Variants in TMEM245 observed in about 807,000 individuals in gnomAD.
The protein encoded by TMEM245 is transmembrane protein 245.
A neutral mutation model predicts 101.2 loss-of-function variants in TMEM245; 69 were observed. The ratio of observed to expected loss-of-function variants is 0.68; its 90% CI spans 0.56 to 0.83. The LOEUF is 0.83. TMEM245 is among the 40% of genes least tolerant of loss of function. The pLI is 0.00. For missense variants in TMEM245, 1,075 were observed against 1,092.8 expected (o/e 0.98, Z 0.23); for synonymous variants, 537 against 449.8 (o/e 1.19, Z -2.45).
chr9:109,032,364 C>T lies in TMEM245; in HGVS notation c.2594+943G>A, dbSNP rs373854189. Among the ~76,000 whole-genome samples the T allele has an allele frequency of 1.6e-3, 84 of 51,806 alleles. 1 individual carries two copies. The highest frequency in any genetic ancestry group is 4.5e-3 in the African/African-American group (77 of 17,020). The allele number at this position is 51,806 out of a possible 152,430, so 34.0% of individuals were successfully genotyped here. ...TGCATTTGGTTGTCCTATTTCTTTT[C>T]CTTTTTTTTTTTTTTTTTTTTTTTT... On this transcript the variant is annotated intron_variant, in intron 17 of 17. Transcript: ENST00000374586.
chr9:109,117,341 C>T (rs1294922902), intron 1 of TMEM245, among the ~76,000 whole-genome samples: 1 of 151,766 alleles, frequency 6.6e-6, no homozygotes, highest in Non-Finnish European at 1.5e-5. Flanking sequence ...TGGTCTTGAA[C>T]TCCTAACCTC....
intron 17 of TMEM245, 60 bp downstream of exon 17, chr9:109,033,247 T>C (rs1828017151): frequency 6.9e-7 from 1 of 1,450,240 alleles, no homozygotes; most frequent in Non-Finnish European, 9.2e-7. Context: ...ACTTATCAAA[T>C]ACAGAGACAG....
intron 3 of TMEM245, among the ~76,000 whole-genome samples, chr9:109,093,991 G>A (rs961296252): frequency 1.6e-4 from 24 of 152,148 alleles, no homozygotes; most frequent in African/African-American, 5.6e-4. Context: ...ATGTTAGTAC[G>A]AGATAATCCA....
intron 3 of TMEM245, among the ~76,000 whole-genome samples, chr9:109,100,882 T>C (rs1372013479): frequency 6.6e-6 from 1 of 152,220 alleles, no homozygotes; most frequent in Non-Finnish European, 1.5e-5. Context: ...TCCCTTATTA[T>C]CTTAAGCTTT....
At chr9:109,052,040 G>A (rs1163089889) in intron 12 of TMEM245, among the ~76,000 whole-genome samples, 3 of 152,186 alleles carry the variant, frequency 2.0e-5, no homozygotes, top group African/African-American at 4.8e-5. Flanking sequence ...CAGATATCAT[G>A]AGGAAGGTTT....
At position 109,057,319 on chromosome 9, in the gene TMEM245, C is replaced by T. The variant is rs376382944; in HGVS notation, c.1726G>A (p.Val576Ile). Residue 576 changes from valine to isoleucine, a missense_variant, in exon 12 of 18, where the codon GTA (valine) becomes ATA (isoleucine). Coordinates refer to ENST00000374586, the MANE Select transcript of TMEM245 (RefSeq NM_032012.4). ...RLYHSWFVKN[V>I]THSGRHKGQK... is the part of the protein sequence containing the mutation. ...CCTTTGTGCCTTCCAGAGTGTGTTA[C>T]ATTCTATGGAATAAAACAGTGCAGA... 6.2e-7 allele frequency: 1 copy of T among 1,613,596 alleles called. No homozygotes were observed. The highest frequency in any genetic ancestry group is 1.3e-5 in the African/African-American group (1 of 74,894).
At chr9:109,062,894 T>C (rs1829057203) in intron 10 of TMEM245, among the ~76,000 whole-genome samples, 1 of 151,786 alleles carries the variant, frequency 6.6e-6, no homozygotes, top group East Asian at 2.0e-4. Context: ...CACTTGAGCC[T>C]AGGAGGTGGA....
rs1472172216 is a variant in TMEM245 at position 109,019,605 on chromosome 9, T to C, written c.*855A>G. 2.0e-5 allele frequency: 3 copies of C among 152,318 alleles called. No homozygotes were observed. Among genetic ancestry groups the C allele is most frequent in the Non-Finnish European group, 4.4e-5 (3 of 68,044 alleles). The allele number at this position is 152,318 out of a possible 1,614,324, so 9.4% of individuals were successfully genotyped here. On this transcript the variant is annotated 3_prime_UTR_variant, in exon 18 of 18. Coordinates refer to ENST00000374586, the MANE Select transcript of TMEM245 (RefSeq NM_032012.4). ...CAAAATTCTGCTGAAAACTAACTTA[T>C]TGGCAGAGTTCCAAATAATGAAACG... is the stretch of plus-strand genomic sequence containing the variant.
chr9:109,070,991 T>C (rs1829313173), intron 9 of TMEM245, among the ~76,000 whole-genome samples: 1 of 152,120 alleles, frequency 6.6e-6, no homozygotes, highest in Admixed American at 6.5e-5. Context: ...AAGCGATTCA[T>C]GTGCCTCAGC....
intron 8 of TMEM245, among the ~76,000 whole-genome samples, chr9:109,075,773 T>A (rs1829480810): frequency 6.6e-6 from 1 of 152,176 alleles, no homozygotes; most frequent in Admixed American, 6.6e-5. Context: ...TCAATTTTAT[T>A]GATGTTTTTC....
intron 14 of TMEM245, among the ~76,000 whole-genome samples, chr9:109,042,697 T>A (rs558620811): frequency 1.3e-5 from 2 of 152,214 alleles, no homozygotes; most frequent in South Asian, 4.1e-4. Context: ...TCCATCATTT[T>A]AATGTATACA....
At chr9:109,103,175 T>G (rs1564208040) in intron 3 of TMEM245, among the ~76,000 whole-genome samples, 1 of 152,222 alleles carries the variant, frequency 6.6e-6, no homozygotes, top group Non-Finnish European at 1.5e-5. Context: ...AAACTATCCC[T>G]ATTGCAGATG....
At chr9:109,098,943 C>T (rs1011703296) in intron 3 of TMEM245, among the ~76,000 whole-genome samples, 44 of 152,294 alleles carry the variant, frequency 2.9e-4, no homozygotes, top group African/African-American at 9.9e-4. Context: ...AACAACTCAA[C>T]GATGAGCAGA....
intron 14 of TMEM245, among the ~76,000 whole-genome samples, chr9:109,040,013 G>GA (rs1828255616): frequency 1.3e-5 from 2 of 152,120 alleles, no homozygotes; most frequent in African/African-American, 4.8e-5. Context: ...ACCCCTCTGG[G>GA]TGGCAAGTAA....
At chr9:109,118,611 C>A (rs888987515) in intron 1 of TMEM245, among the ~76,000 whole-genome samples, 8 of 152,218 alleles carry the variant, frequency 5.3e-5, no homozygotes, top group Admixed American at 5.2e-4. Context: ...CTACGTCTCT[C>A]CCCTTCACGC....
intron 3 of TMEM245, among the ~76,000 whole-genome samples, chr9:109,097,530 A>G (rs1002502319): frequency 1.3e-5 from 2 of 152,214 alleles, no homozygotes; most frequent in African/African-American, 4.8e-5. Flanking sequence ...GGCTATAGGC[A>G]AGTTAGTTAA....
chr9:109,038,281 C>G, intron 14 of TMEM245, 164 bp from the exon 15 acceptor site: 1 of 465,598 alleles, frequency 2.1e-6, no homozygotes, highest in Non-Finnish European at 3.8e-6. Context: ...AAACACCTTA[C>G]TTTAAATACA....
rs185561075 is a variant in TMEM245, at chr9:109,022,589, T to A, written c.2595-2084A>T. On this transcript the variant is annotated intron_variant, in intron 17 of 17. Transcript: ENST00000374586. The stretch of plus-strand genomic sequence containing the variant: ...ATCCCCGGCCTCTATTCAACTAGAA[T>A]GCCAATCAAAATGACTCCAGACATG... 5.3e-5 allele frequency among the ~76,000 whole-genome samples: 8 copies of A among 152,220 alleles called. No homozygotes were observed. In the East Asian group the frequency reaches 1.5e-3, roughly 29 times the overall value.
intron 5 of TMEM245, among the ~76,000 whole-genome samples, chr9:109,090,713 T>C (rs145543733): frequency 5.5e-4 from 70 of 128,230 alleles, no homozygotes; most frequent in African/African-American, 1.8e-3. Flanking sequence ...CAAGACTCCG[T>C]CTCAAAAAAA....
Sources: allele counts gnomAD v4.1 joint callset (sites outside exome capture counted in the v4.1 genomes callset), GRCh38; gene constraint gnomAD v4.1.1; transcripts MANE v1.5; gene names NCBI Gene and HGNC (gene_info 2026-07-23, HGNC 2026-07-21).